Variants in INTS3 observed in about 807,000 individuals in gnomAD.
INTS3 encodes SOSS complex subunit A.
A neutral mutation model predicts 146.3 loss-of-function variants in INTS3; 34 were observed. That is an observed-to-expected ratio of 0.23 (90% CI 0.18 to 0.31). The LOEUF is 0.31. Among genes scored for constraint, INTS3 ranks in the 10% least tolerant of loss-of-function variants. The pLI is 1.00. For missense variants in INTS3, 757 were observed against 1,304.2 expected (o/e 0.58, Z 6.46); for synonymous variants, 475 against 494.9 (o/e 0.96, Z 0.53).
chr1:153,746,615 A>T (rs1338652259), intron 3 of INTS3, among the ~76,000 whole-genome samples: 1 of 151,746 alleles, frequency 6.6e-6, no homozygotes, highest in Non-Finnish European at 1.5e-5. Flanking sequence ...GTTAGCCAGG[A>T]TGGTCTCGAT....
chr1:153,769,839 T>C lies in INTS3; in HGVS notation c.2384T>C (p.Ile795Thr), dbSNP rs762929769. ...VMFRKDSVLN[I>T]LIQSLDWETF... ...TTTCGAAAAGACTCAGTTCTCAACATACTCAGTAAGTGATCAAATCTTTAG... is the reference window on the plus strand; with the variant it reads ...TTTCGAAAAGACTCAGTTCTCAACACACTCAGTAAGTGATCAAATCTTTAG... Residue 795 changes from isoleucine to threonine, a missense_variant, in exon 23 of 30, where the codon ATA becomes ACA. Coordinates refer to ENST00000318967, the MANE Select transcript of INTS3 (RefSeq NM_023015.5). The C allele has an allele frequency of 6.2e-7, 1 of 1,607,340 alleles. No individual in the cohort carries two copies. Among genetic ancestry groups the C allele is most frequent in the Admixed American group, 1.7e-5 (1 of 59,994 alleles).
chr1:153,764,003 G>A, intron 17 of INTS3, 115 bp from the exon 18 acceptor site: 1 of 1,281,694 alleles, frequency 7.8e-7, no homozygotes. Context: ...TTATAGTGGG[G>A]AGGGGAGCTT....
intron 16 of INTS3, 85 bp downstream of exon 16, chr1:153,763,447 G>A: frequency 6.9e-7 from 1 of 1,442,916 alleles, no homozygotes; most frequent in East Asian, 2.3e-5. Context: ...AGGAGATGGG[G>A]GTTGGAGGCA....
intron 20 of INTS3, chr1:153,767,278 A>C (rs917732158): frequency 5.8e-6 from 1 of 172,968 alleles, no homozygotes; most frequent in East Asian, 1.6e-4. Flanking sequence ...TAATTCTTAC[A>C]TTTAGGCCTA....
chr1:153,770,928 C>A (rs1357991308), intron 25 of INTS3, among the ~76,000 whole-genome samples, 195 bp downstream of exon 25: 1 of 152,162 alleles, frequency 6.6e-6, no homozygotes, highest in African/African-American at 2.4e-5. Context: ...CGACTTTACC[C>A]CCCTGCCCAC....
rs1395624727 is a variant in INTS3 at position 153,760,399 on chromosome 1, T to TA, written c.1317+10dup. On this transcript the variant is annotated intron_variant, in intron 12 of 29. Coordinates refer to ENST00000318967, the MANE Select transcript of INTS3 (RefSeq NM_023015.5). ...TGGACTTCATGTGCCGCGTAAGTGT[T>TA]AGAGCTCTCTTTTCTCCCCATGCCT... 6.2e-7 allele frequency: 1 copy of TA among 1,610,344 alleles called. No individual in the cohort carries two copies. Among genetic ancestry groups the TA allele is most frequent in the Admixed American group, 1.7e-5 (1 of 60,006 alleles).
intron 3 of INTS3, among the ~76,000 whole-genome samples, chr1:153,746,686 C>T (rs1016516816): frequency 1.3e-5 from 2 of 150,434 alleles, no homozygotes; most frequent in African/African-American, 4.9e-5. Context: ...CAGGCGTGAG[C>T]CACTGCACCT....
chr1:153,759,144 G>C (rs1217740680), intron 10 of INTS3, among the ~76,000 whole-genome samples: 1 of 151,612 alleles, frequency 6.6e-6, no homozygotes, highest in Non-Finnish European at 1.5e-5. Context: ...AATGAGCCAG[G>C]TGAGGTGGTG....
At chr1:153,769,149 G>A (rs1225039989) in intron 22 of INTS3, among the ~76,000 whole-genome samples, 188 bp downstream of exon 22, 1 of 152,212 alleles carries the variant, frequency 6.6e-6, no homozygotes, top group East Asian at 1.9e-4. Context: ...AGCAAGGCAG[G>A]CTGAGGTTAG....
intron 18 of INTS3, 148 bp from the exon 19 acceptor site, chr1:153,764,541 GT>G: frequency 4.0e-6 from 3 of 755,534 alleles, no homozygotes; most frequent in Non-Finnish European, 7.2e-6. Context: ...TTAGGAACCT[GT>G]TTTCTCTGTT....
At chr1:153,769,680 C>CTT in intron 22 of INTS3, 89 bp from the exon 23 acceptor site, 1 of 816,212 alleles carries the variant, frequency 1.2e-6, no homozygotes, top group African/African-American at 1.8e-5. Context: ...TTTTTTTTCC[C>CTT]TTACGAGCCC....
At chr1:153,750,930 A>T in intron 6 of INTS3, 165 bp from the exon 7 acceptor site, 1 of 606,656 alleles carries the variant, frequency 1.6e-6, no homozygotes, top group Non-Finnish European at 2.8e-6. Flanking sequence ...TGATAGTCCA[A>T]GATAGATACT....
chr1:153,766,793 A>T (rs6677628), intron 20 of INTS3: 1 of 150,480 alleles, frequency 6.6e-6, no homozygotes, highest in Non-Finnish European at 1.5e-5. Flanking sequence ...AGGTTCCAGC[A>T]ATTCTCCTGC....
chr1:153,734,144 C>T lies in INTS3; in HGVS notation c.150+5360C>T, dbSNP rs558421758. 6.2e-4 allele frequency among the ~76,000 whole-genome samples: 95 copies of T among 152,152 alleles called. 1 individual carries two copies. Among genetic ancestry groups the T allele is most frequent in the Non-Finnish European group, 1.0e-3 (70 of 68,008 alleles). The stretch of plus-strand genomic sequence containing the variant: ...AGAGATTGTAAATATTTACTCAGCT[C>T]TCTAAGGTACTGTCATGGAGGGCTT... On this transcript the variant is annotated intron_variant, in intron 1 of 29. Coordinates refer to ENST00000318967, the MANE Select transcript of INTS3 (RefSeq NM_023015.5).
At chr1:153,752,214 C>A in intron 7 of INTS3, 65 bp from the exon 8 acceptor site, 1 of 1,505,756 alleles carries the variant, frequency 6.6e-7, no homozygotes. Context: ...TGTCCTCCCT[C>A]CAGCAGGTAA....
chr1:153,759,071 C>A (rs1227530933), intron 10 of INTS3, among the ~76,000 whole-genome samples: 1 of 152,038 alleles, frequency 6.6e-6, no homozygotes, highest in Admixed American at 6.6e-5. Context: ...AAGCCGTGAT[C>A]ATGCCACTGC....
intron 1 of INTS3, among the ~76,000 whole-genome samples, chr1:153,731,600 T>TTTGGG (rs1671063496): frequency 6.8e-6 from 1 of 147,342 alleles, no homozygotes; most frequent in African/African-American, 2.5e-5. Context: ...TTTTTTTTTT[T>TTTGGG]GAGATGGAGT....
chr1:153,745,227 G>C (rs1328579704), intron 3 of INTS3, among the ~76,000 whole-genome samples: 1 of 150,658 alleles, frequency 6.6e-6, no homozygotes, highest in African/African-American at 2.5e-5. Context: ...TACGATCTTG[G>C]CTAACTGCAA....
rs116001340 is a variant in INTS3 at position 153,771,952 on chromosome 1, C to A, written c.2709C>A (p.Arg903=). The part of the protein sequence containing the change: ...SLLIKNNSLP[R]KRQSLRSSSS... ...TCATCAAGAACAACAGCCTGCCTCG[C>A]AAGAGACAGAGGTGGGACACGGTCC... is the stretch of plus-strand genomic sequence containing the variant. Residue 903 remains arginine, a synonymous_variant, in exon 26 of 30, where the codon CGC becomes CGA. Coordinates refer to ENST00000318967, the MANE Select transcript of INTS3 (RefSeq NM_023015.5). 1.9e-4 allele frequency: 305 copies of A among 1,613,236 alleles called. No homozygotes were observed. In the African/African-American group the frequency reaches 3.6e-3, roughly 19 times the overall value.
Sources: allele counts gnomAD v4.1 joint callset (sites outside exome capture counted in the v4.1 genomes callset), GRCh38; gene constraint gnomAD v4.1.1; transcripts MANE v1.5; gene names NCBI Gene and HGNC (gene_info 2026-07-23, HGNC 2026-07-21).